Variants in ANK3 observed in about 807,000 individuals in gnomAD.
The protein encoded by ANK3 is ankyrin-3.
A neutral mutation model predicts 370.9 loss-of-function variants in ANK3; 57 were observed. The observed-to-expected ratio is 0.15, with a 90% CI of 0.12 to 0.19. The LOEUF is 0.19. Among genes scored for constraint, ANK3 ranks in the 10% least tolerant of loss-of-function variants. The pLI, the probability that ANK3 is intolerant of heterozygous loss-of-function variation, is 1.00. For missense variants in ANK3, 4,439 were observed against 5,302.1 expected, an observed-to-expected ratio of 0.84 and a Z score of 5.06; for synonymous variants, 1,929 against 1,946.3, an observed-to-expected ratio of 0.99 and a Z score of 0.23.
intron 40 of ANK3, chr10:60,062,866 CTCTT>C (rs1194519913): frequency 6.8e-6 from 2 of 294,750 alleles, no homozygotes; most frequent in Non-Finnish European, 1.2e-5. Flanking sequence ...GAAATACCAA[CTCTT>C]TCAGATACCT....
At position 60,157,919 on chromosome 10, in the gene ANK3, A is replaced by AGG; in HGVS notation, c.2614+8671_2614+8672insCC. On this transcript the variant is annotated intron_variant, in intron 23 of 43. Coordinates refer to ENST00000280772, the MANE Select transcript of ANK3 (RefSeq NM_020987.5). ...GAGAGAGAGAGAGAGAGAGAGAGAG[A>AGG]GAGAGGCAGCGGCAGGGAAGGAGGG... Among the ~76,000 whole-genome samples, 4 of 139,052 alleles carry AGG rather than the reference A, an allele frequency of 2.9e-5. 1 individual carries two copies. The East Asian group carries it at 8.2e-4, about 28-fold the overall frequency. 91.2% of individuals were successfully genotyped at this position (139,052 alleles called of 152,430 possible).
chr10:60,276,193 G>A (rs898114324), intron 4 of ANK3, among the ~76,000 whole-genome samples: 1 of 152,088 alleles, frequency 6.6e-6, no homozygotes, highest in African/African-American at 2.4e-5. Context: ...TTTAAGATAA[G>A]GAGAATTTTT....
chr10:60,450,191 G>A (rs1567050397), intron 2 of ANK3, among the ~76,000 whole-genome samples: 1 of 152,162 alleles, frequency 6.6e-6, no homozygotes, highest in East Asian at 1.9e-4. Flanking sequence ...CTACTTGAGA[G>A]GCTGAGGCAG....
chr10:60,667,179 T>C (rs1169494648), intron 1 of ANK3, among the ~76,000 whole-genome samples: 1 of 71,580 alleles, frequency 1.4e-5, no homozygotes, highest in South Asian at 6.9e-4. Context: ...TATATTATAT[T>C]ATATCATATT....
chr10:60,539,132 TA>T (rs1005069506), intron 2 of ANK3, among the ~76,000 whole-genome samples: 14 of 150,386 alleles, frequency 9.3e-5, no homozygotes, highest in Admixed American at 5.3e-4. Flanking sequence ...AGGATATGAG[TA>T]AAAAAAAATG....
intron 1 of ANK3, among the ~76,000 whole-genome samples, chr10:60,638,352 C>T (rs1343410369): frequency 6.6e-6 from 1 of 152,146 alleles, no homozygotes; most frequent in Non-Finnish European, 1.5e-5. Context: ...AAGCACTACT[C>T]TGGACCTGCC....
At chr10:60,598,151 A>G (rs990604669) in intron 2 of ANK3, among the ~76,000 whole-genome samples, 1 of 152,204 alleles carries the variant, frequency 6.6e-6, no homozygotes, top group African/African-American at 2.4e-5. Context: ...ATCCAGGAAC[A>G]TCTGTTACAT....
At chr10:60,086,041 C>CA (rs1248915206) in intron 30 of ANK3, among the ~76,000 whole-genome samples, 1 of 152,138 alleles carries the variant, frequency 6.6e-6, no homozygotes, top group African/African-American at 2.4e-5. Context: ...CCTCAGAGAA[C>CA]AAAAGAAGAT....
In ANK3 at chr10:60,477,269, T is replaced by C. The variant is rs111404834; in HGVS notation, c.96+137917A>G. Among the ~76,000 whole-genome samples, 1,161 of 152,162 alleles carry C rather than the reference T, an allele frequency of 7.6e-3. 18 individuals are homozygous for C. The highest frequency in any genetic ancestry group is 0.027 in the African/African-American group (1,115 of 41,528). ...CAATGAGTAAGAAGCGTAAGGGGAA[T>C]GGCCAATTTCTGTCTGGAAAAAGGA... is the stretch of plus-strand genomic sequence containing the variant. On this transcript the variant is annotated intron_variant, in intron 2 of 43. Transcript: ENST00000373827.
chr10:60,390,972 G>A (rs928646874), upstream of ANK3, among the ~76,000 whole-genome samples: 1 of 152,154 alleles, frequency 6.6e-6, no homozygotes, highest in African/African-American at 2.4e-5. Flanking sequence ...GGGTTCTCTG[G>A]AGCTGTTGTT....
Position 60,256,138 on chromosome 10 carries a change from G to A in ANK3, c.798+5721C>T, listed in dbSNP as rs138727893. Among the ~76,000 whole-genome samples the A allele has an allele frequency of 1.1e-3, 169 of 152,332 alleles. 2 individuals are homozygous for A. The East Asian group carries it at 0.017, about 15-fold the overall frequency. The stretch of plus-strand genomic sequence containing the variant: ...CCTTTCATCAATTCCTGAGTTTTTA[G>A]AAAAGTCCTATTCAGCATTATAGCC... On this transcript the variant is annotated intron_variant, in intron 7 of 43. Transcript: ENST00000280772.
chr10:60,249,879 C>T (rs58792956), intron 7 of ANK3, among the ~76,000 whole-genome samples: 2,252 of 152,264 alleles, frequency 0.015, 64 homozygotes, highest in African/African-American at 0.051. Context: ...CGCACTGAGG[C>T]GTACCAAAAT....
chr10:60,383,669 C>A (rs2061852531), intron 1 of ANK3, among the ~76,000 whole-genome samples: 1 of 152,018 alleles, frequency 6.6e-6, no homozygotes, highest in South Asian at 2.1e-4. Context: ...GCTAATTGAC[C>A]ATGCTCCCTG....
intron 2 of ANK3, chr10:60,615,045 T>TAAC (rs946244946): frequency 4.5e-5 from 25 of 555,348 alleles, no homozygotes; most frequent in African/African-American, 1.2e-4. Flanking sequence ...TAAATAAAAA[T>TAAC]AACAACAACA....
intron 1 of ANK3, among the ~76,000 whole-genome samples, chr10:60,296,495 C>T (rs2042543674): frequency 6.6e-6 from 1 of 152,158 alleles, no homozygotes; most frequent in Admixed American, 6.5e-5. Context: ...TCCTTTCAAA[C>T]ATTTTTAAAA....
At chr10:60,385,186 G>A (rs1457473141) in intron 1 of ANK3, among the ~76,000 whole-genome samples, 1 of 152,022 alleles carries the variant, frequency 6.6e-6, no homozygotes, top group African/African-American at 2.4e-5. Flanking sequence ...TACTTTTCGT[G>A]CCACACACTC....
At chr10:60,435,033 T>A (rs1397505769) in intron 2 of ANK3, among the ~76,000 whole-genome samples, 1 of 152,226 alleles carries the variant, frequency 6.6e-6, no homozygotes, top group African/African-American at 2.4e-5. Context: ...GGGTTGCGAT[T>A]ATCTGAATAC....
At chr10:60,218,634 T>C (rs1284800734) in intron 8 of ANK3, among the ~76,000 whole-genome samples, 1 of 152,170 alleles carries the variant, frequency 6.6e-6, no homozygotes, top group Non-Finnish European at 1.5e-5. Context: ...GCTTGTAGAG[T>C]TTCTGCTGAG....
chr10:60,390,066 T>C (rs201444815), upstream of ANK3, among the ~76,000 whole-genome samples: 2 of 152,220 alleles, frequency 1.3e-5, no homozygotes, highest in Non-Finnish European at 2.9e-5. Context: ...TAACCCCTGA[T>C]AGAATGGAGC....
Sources: allele counts gnomAD v4.1 joint callset (sites outside exome capture counted in the v4.1 genomes callset), GRCh38; gene constraint gnomAD v4.1.1; transcripts MANE v1.5; gene names NCBI Gene and HGNC (gene_info 2026-07-23, HGNC 2026-07-21).